AUTS2: variants seen among roughly 807,000 people sequenced by gnomAD.
AUTS2 encodes the protein activator of transcription and developmental regulator AUTS2, also known as autism susceptibility gene 2 protein.
A neutral mutation model predicts 112.4 loss-of-function variants in AUTS2; 17 were observed. That is an observed-to-expected ratio of 0.15 (90% CI 0.10 to 0.23). The LOEUF (loss-of-function observed/expected upper bound fraction) is 0.23, where lower values mean the gene tolerates loss of function less well. Among genes scored for constraint, AUTS2 ranks in the 10% least tolerant of loss-of-function variants. The pLI is 1.00. For missense variants in AUTS2, 1,510 were observed against 1,701.6 expected, an observed-to-expected ratio of 0.89 and a Z score of 1.98; for synonymous variants, 751 against 702.7, an observed-to-expected ratio of 1.07 and a Z score of -1.09.
chr7:69,723,652 A>G (rs1433908600), intron 1 of AUTS2, among the ~76,000 whole-genome samples: 1 of 152,156 alleles, frequency 6.6e-6, no homozygotes, highest in Non-Finnish European at 1.5e-5. Flanking sequence ...TGATTTTCTC[A>G]TAGCCACTGG....
chr7:69,832,583 A>G (rs974890892), intron 1 of AUTS2, among the ~76,000 whole-genome samples: 16 of 152,294 alleles, frequency 1.1e-4, no homozygotes, highest in Admixed American at 7.9e-4. Flanking sequence ...ATTTTTACCT[A>G]CTGAAGTTGA....
chr7:70,733,263 T>C (rs746425512), intron 6 of AUTS2, among the ~76,000 whole-genome samples: 1 of 152,184 alleles, frequency 6.6e-6, no homozygotes, highest in Non-Finnish European at 1.5e-5. Flanking sequence ...CTCAGGACTC[T>C]TGGAGACTTA....
intron 1 of AUTS2, among the ~76,000 whole-genome samples, chr7:69,649,511 A>G (rs1057484434): frequency 6.6e-6 from 1 of 151,800 alleles, no homozygotes; most frequent in Non-Finnish European, 1.5e-5. Flanking sequence ...GTCTCACTGT[A>G]TGCTTTTTTT....
chr7:70,107,437 A>G (rs943868910), intron 2 of AUTS2, among the ~76,000 whole-genome samples: 1 of 138,990 alleles, frequency 7.2e-6, no homozygotes, highest in African/African-American at 2.7e-5. Flanking sequence ...TCCGTCTCCC[A>G]GGTTCAGGCA....
chr7:70,780,622 C>T (rs1483446432), intron 14 of AUTS2, among the ~76,000 whole-genome samples: 8 of 152,126 alleles, frequency 5.3e-5, no homozygotes, highest in Non-Finnish European at 8.8e-5. Context: ...GCAGTCCGCC[C>T]GCCTTGGCCT....
intron 1 of AUTS2, among the ~76,000 whole-genome samples, chr7:69,847,442 T>G (rs577903688): frequency 6.6e-6 from 1 of 152,356 alleles, no homozygotes; most frequent in African/African-American, 2.4e-5. Flanking sequence ...CTAAGTGTGC[T>G]GAGTTCAGAG....
At chr7:70,419,444 TG>T (rs71077656) in intron 4 of AUTS2, among the ~76,000 whole-genome samples, 1 of 79,154 alleles carries the variant, frequency 1.3e-5, no homozygotes, top group Admixed American at 1.4e-4. Context: ...GGCTGGGGGG[TG>T]GGGGGAGTTT....
intron 1 of AUTS2, among the ~76,000 whole-genome samples, chr7:69,875,007 A>G (rs1304490908): frequency 1.3e-5 from 2 of 150,986 alleles, no homozygotes; most frequent in African/African-American, 4.9e-5. Flanking sequence ...TTCGATGATT[A>G]TCTATTGACT....
chr7:70,479,258 T>A (rs146531005), intron 5 of AUTS2, among the ~76,000 whole-genome samples: 8 of 152,272 alleles, frequency 5.3e-5, no homozygotes, highest in Non-Finnish European at 1.0e-4. Flanking sequence ...AGCCATAAAA[T>A]GTTCCTTGGA....
chr7:70,177,434 T>C (rs567411922), intron 4 of AUTS2, among the ~76,000 whole-genome samples: 1 of 152,294 alleles, frequency 6.6e-6, no homozygotes, highest in African/African-American at 2.4e-5. Context: ...GTGTGCGTGG[T>C]GGTTATGGGA....
chr7:70,058,413 A>G (rs1010954773), intron 2 of AUTS2, among the ~76,000 whole-genome samples: 9 of 152,170 alleles, frequency 5.9e-5, no homozygotes, highest in African/African-American at 2.2e-4. Context: ...AAAGTATGAA[A>G]TGGGAAAGTT....
intron 1 of AUTS2, among the ~76,000 whole-genome samples, chr7:69,873,593 G>C (rs191939916): frequency 1.3e-5 from 2 of 152,202 alleles, no homozygotes; most frequent in East Asian, 3.9e-4. Context: ...GACTGTTATC[G>C]TTAACCACCC....
chr7:69,668,312 T>C (rs1245367401), intron 1 of AUTS2, among the ~76,000 whole-genome samples: 1 of 152,212 alleles, frequency 6.6e-6, no homozygotes. Flanking sequence ...AAAGTTATGA[T>C]TATAATGTAG....
intron 2 of AUTS2, among the ~76,000 whole-genome samples, chr7:70,094,376 G>A (rs1395919034): frequency 1.3e-5 from 2 of 152,218 alleles, no homozygotes; most frequent in Admixed American, 6.5e-5. Context: ...AGTTCCTGCT[G>A]CTACAGGCTG....
chr7:70,426,619 C>T (rs921411928), intron 4 of AUTS2, among the ~76,000 whole-genome samples: 1 of 152,116 alleles, frequency 6.6e-6, no homozygotes, highest in Admixed American at 6.5e-5. Flanking sequence ...ATCATCAAGT[C>T]GGGCCTCAGA....
intron 2 of AUTS2, among the ~76,000 whole-genome samples, chr7:70,092,324 T>C (rs1803963640): frequency 6.6e-6 from 1 of 152,142 alleles, no homozygotes; most frequent in South Asian, 2.1e-4. Context: ...AGTCCTGTTT[T>C]TGAGCTGATA....
chr7:69,897,806 G>A (rs1222390194), intron 1 of AUTS2, among the ~76,000 whole-genome samples: 1 of 152,042 alleles, frequency 6.6e-6, no homozygotes, highest in African/African-American at 2.4e-5. Flanking sequence ...TCATAACAAG[G>A]CTCAAGGTCT....
chr7:70,603,758 A>T (rs1401724246), intron 5 of AUTS2, among the ~76,000 whole-genome samples: 2 of 152,198 alleles, frequency 1.3e-5, no homozygotes, highest in African/African-American at 4.8e-5. Context: ...TTTTAAGGAG[A>T]TATTTTGCCA....
chr7:70,117,459 G>C (rs563824169), intron 2 of AUTS2, among the ~76,000 whole-genome samples: 3 of 152,038 alleles, frequency 2.0e-5, no homozygotes, highest in Admixed American at 2.0e-4. Flanking sequence ...ATCATAGTTG[G>C]TGTAATCTCA....
Sources: gnomAD v4.1 joint callset for allele counts (sites outside exome capture counted in the v4.1 genomes callset) on GRCh38, gnomAD v4.1.1 for gene constraint, MANE v1.5 for transcripts, NCBI Gene and HGNC (gene_info 2026-07-23, HGNC 2026-07-21) for gene names.